SCFD1: variants seen among roughly 807,000 people sequenced by gnomAD.
SCFD1 encodes sec1 family domain-containing protein 1.
SCFD1 carries 37 observed loss-of-function variants against 103.2 expected under a neutral mutation model. The observed-to-expected ratio is 0.36, with a 90% CI of 0.28 to 0.47. SCFD1 has a LOEUF of 0.47. Ranked by LOEUF, SCFD1 falls within the 20% of genes least tolerant of loss-of-function variation. SCFD1 has a pLI of 1.00. For synonymous variants in SCFD1, 264 were observed against 245.0 expected (o/e 1.08, Z -0.73); for missense variants, 639 against 761.2 (o/e 0.84, Z 1.89).
intron 23 of SCFD1, among the ~76,000 whole-genome samples, chr14:30,728,846 T>C (rs1270711598): frequency 6.8e-6 from 1 of 146,428 alleles, no homozygotes; most frequent in Non-Finnish European, 1.5e-5. Flanking sequence ...CCCTTTTTTT[T>C]TTTTTTTTTT....
intron 23 of SCFD1, chr14:30,722,834 CCT>C (rs1468638990): frequency 1.7e-5 from 4 of 231,424 alleles, no homozygotes; most frequent in African/African-American, 9.2e-5. Context: ...TGCTTAGAGA[CCT>C]CTTCCCAAAA....
At chr14:30,714,899 A>G (rs1892166418) in intron 19 of SCFD1, among the ~76,000 whole-genome samples, 1 of 152,240 alleles carries the variant, frequency 6.6e-6, no homozygotes, top group Non-Finnish European at 1.5e-5. Flanking sequence ...AATTTTCTAA[A>G]TTTTCTAAAT....
chr14:30,647,961 T>G (rs192442258), intron 7 of SCFD1, among the ~76,000 whole-genome samples: 2 of 152,310 alleles, frequency 1.3e-5, no homozygotes, highest in African/African-American at 4.8e-5. Flanking sequence ...AGTGATTTAT[T>G]TTTCAAAGGA....
chr14:30,697,325 A>G (rs1566639870), intron 15 of SCFD1, among the ~76,000 whole-genome samples: 1 of 152,232 alleles, frequency 6.6e-6, no homozygotes, highest in Non-Finnish European at 1.5e-5. Context: ...GTCAGCTTGA[A>G]TAGGCTCCAG....
At chr14:30,657,029 GT>G (rs1843607323) in intron 10 of SCFD1, among the ~76,000 whole-genome samples, 2 of 152,234 alleles carry the variant, frequency 1.3e-5, no homozygotes, top group South Asian at 4.2e-4. Context: ...GGCCCTTACT[GT>G]TGGGTAGGAG....
intron 3 of SCFD1, among the ~76,000 whole-genome samples, chr14:30,631,157 G>T (rs1884077694): frequency 6.6e-6 from 1 of 152,114 alleles, no homozygotes; most frequent in South Asian, 2.1e-4. Flanking sequence ...TTCGAGACCA[G>T]CCTGGTCACG....
intron 23 of SCFD1, among the ~76,000 whole-genome samples, chr14:30,728,264 G>A (rs1893193181): frequency 6.6e-6 from 1 of 152,140 alleles, no homozygotes; most frequent in African/African-American, 2.4e-5. Flanking sequence ...TTTGAAAAGT[G>A]TTTCAAACAT....
chr14:30,625,190 G>T (rs991858181), intron 1 of SCFD1, among the ~76,000 whole-genome samples: 1 of 151,858 alleles, frequency 6.6e-6, no homozygotes, highest in Admixed American at 6.6e-5. Context: ...TAACTACAGT[G>T]CCTGTGGTGA....
chr14:30,708,494 A>G (rs140780374), intron 19 of SCFD1, among the ~76,000 whole-genome samples: 102 of 151,938 alleles, frequency 6.7e-4, no homozygotes, highest in African/African-American at 1.9e-3. Context: ...TATTTTTTAC[A>G]TGTGTAGCTC....
At chr14:30,637,162 C>T (rs1472109577) in intron 4 of SCFD1, among the ~76,000 whole-genome samples, 2 of 152,054 alleles carry the variant, frequency 1.3e-5, no homozygotes, top group African/African-American at 4.8e-5. Context: ...TTTATACATA[C>T]ACTTTTATAT....
At chr14:30,643,225 C>G (rs1353921823) in intron 6 of SCFD1, 91 bp from the exon 7 acceptor site, 2 of 877,706 alleles carry the variant, frequency 2.3e-6, no homozygotes, top group African/African-American at 1.7e-5. Context: ...TATTATATGT[C>G]AATTAAGAAT....
At chr14:30,650,523 A>G (rs555132083) in intron 8 of SCFD1, 42 bp from the exon 9 acceptor site, 2 of 1,147,206 alleles carry the variant, frequency 1.7e-6, no homozygotes, top group Non-Finnish European at 2.6e-6. Flanking sequence ...CCATAAAGTT[A>G]TATGAAACTG....
intron 4 of SCFD1, among the ~76,000 whole-genome samples, chr14:30,636,664 T>C (rs1884756194): frequency 6.6e-6 from 1 of 152,136 alleles, no homozygotes; most frequent in Non-Finnish European, 1.5e-5. Flanking sequence ...AGAAATTGTG[T>C]CCTCCAACTT....
At chr14:30,732,854 C>T (rs1164527485) in intron 23 of SCFD1, among the ~76,000 whole-genome samples, 1 of 152,070 alleles carries the variant, frequency 6.6e-6, no homozygotes, top group African/African-American at 2.4e-5. Flanking sequence ...TTTATCAAAA[C>T]ATTTGATAAT....
chr14:30,709,050 A>G (rs1284841457), intron 19 of SCFD1, among the ~76,000 whole-genome samples: 1 of 151,778 alleles, frequency 6.6e-6, no homozygotes, highest in Non-Finnish European at 1.5e-5. Flanking sequence ...TGTGTTTTTT[A>G]TTTACTTTTA....
chr14:30,648,009 T>A (rs938821902), intron 7 of SCFD1, among the ~76,000 whole-genome samples: 7 of 152,238 alleles, frequency 4.6e-5, no homozygotes, highest in Admixed American at 3.3e-4. Context: ...TAGAAGGATG[T>A]CAACACTAAA....
At chr14:30,627,501 C>CT (rs998642688) in intron 1 of SCFD1, among the ~76,000 whole-genome samples, 4 of 152,126 alleles carry the variant, frequency 2.6e-5, no homozygotes, top group African/African-American at 9.7e-5. Flanking sequence ...AATCCCAGCA[C>CT]TTTGGGAGGC....
intron 14 of SCFD1, among the ~76,000 whole-genome samples, chr14:30,692,753 C>T (rs1225966881): frequency 6.6e-6 from 1 of 152,126 alleles, no homozygotes; most frequent in Admixed American, 6.5e-5. Flanking sequence ...TATTTTAGCA[C>T]CTTTCCCCTT....
At chr14:30,727,280 G>A (rs1458652022) in intron 23 of SCFD1, among the ~76,000 whole-genome samples, 2 of 152,192 alleles carry the variant, frequency 1.3e-5, no homozygotes, top group African/African-American at 2.4e-5. Flanking sequence ...TCATAACTGC[G>A]TTTAATAGTT....
Sources: gnomAD v4.1 joint callset for allele counts (sites outside exome capture counted in the v4.1 genomes callset) on GRCh38, gnomAD v4.1.1 for gene constraint, MANE v1.5 for transcripts, NCBI Gene and HGNC (gene_info 2026-07-23, HGNC 2026-07-21) for gene names.